HPSE2: variants seen among roughly 807,000 people sequenced by gnomAD.
The protein encoded by HPSE2 is inactive heparanase-2.
HPSE2 carries 38 observed loss-of-function variants against 60.5 expected under a neutral mutation model. That is an observed-to-expected ratio of 0.63 (90% confidence interval 0.48 to 0.82). The LOEUF is 0.82. HPSE2 is among the 40% of genes least tolerant of loss of function. The pLI, the probability that HPSE2 is intolerant of heterozygous loss-of-function variation, is 0.00. For synonymous variants in HPSE2, 295 were observed against 293.2 expected (o/e 1.01, Z -0.06); for missense variants, 713 against 740.4 (o/e 0.96, Z 0.43).
At chr10:99,026,069 A>C (rs1453557541) in intron 3 of HPSE2, among the ~76,000 whole-genome samples, 1 of 152,112 alleles carries the variant, frequency 6.6e-6, no homozygotes, top group Non-Finnish European at 1.5e-5. Context: ...GGAAGAGAAC[A>C]CCACAAAACA....
rs1955459940 is a variant in HPSE2 at position 98,954,756 on chromosome 10, A to G, written c.610+189482T>C. On this transcript the variant is annotated intron_variant, in intron 3 of 11. Transcript: ENST00000370552. Reference sequence around the variant, plus strand: ...TTGATTTGAGGCAACAGTCATAAACATAAGGTCAGTACAATATAAACTCCG... The same window carrying G: ...TTGATTTGAGGCAACAGTCATAAACGTAAGGTCAGTACAATATAAACTCCG... Among the ~76,000 whole-genome samples the G allele has an allele frequency of 2.6e-5, 4 of 152,072 alleles. No homozygotes were observed. The South Asian group carries it at 6.2e-4, about 24-fold the overall frequency.
At chr10:99,305,570 T>C in the HPSE2 span, among the ~76,000 whole-genome samples, 28 of 152,282 alleles carry the variant, frequency 1.8e-4, no homozygotes, top group African/African-American at 5.5e-4. Context: ...GATGGGTAAA[T>C]CACCTCTGGT....
chr10:98,715,253 C>T (rs1404679510), intron 5 of HPSE2, among the ~76,000 whole-genome samples: 2 of 151,962 alleles, frequency 1.3e-5, no homozygotes, highest in Non-Finnish European at 2.9e-5. Context: ...TCTAAGAAAT[C>T]ACTCCTTAAA....
intron 3 of HPSE2, among the ~76,000 whole-genome samples, chr10:99,137,932 A>T (rs1845722222): frequency 6.6e-6 from 1 of 152,230 alleles, no homozygotes; most frequent in Admixed American, 6.5e-5. Context: ...AGCAAAAGAA[A>T]CTATTATCAA....
chr10:98,638,549 C>T (rs1320103865), intron 7 of HPSE2, among the ~76,000 whole-genome samples: 1 of 152,178 alleles, frequency 6.6e-6, no homozygotes, highest in Admixed American at 6.5e-5. Context: ...CTAGTTTGCA[C>T]TTTGGACCCT....
At chr10:99,096,486 A>G (rs1843721806) in intron 3 of HPSE2, among the ~76,000 whole-genome samples, 1 of 152,222 alleles carries the variant, frequency 6.6e-6, no homozygotes, top group Non-Finnish European at 1.5e-5. Flanking sequence ...TCCCAAAGTT[A>G]AAAATAAGAA....
intron 9 of HPSE2, among the ~76,000 whole-genome samples, chr10:98,492,423 AC>A (rs1439365997): frequency 1.3e-5 from 2 of 150,542 alleles, no homozygotes; most frequent in Non-Finnish European, 3.0e-5. Context: ...AATGGCGTGA[AC>A]CCAGGAGGCG....
rs1414105004 is a variant in HPSE2, at chr10:98,939,946, C to T, written c.611-195890G>A. On this transcript the variant is annotated intron_variant, in intron 3 of 11. Coordinates refer to ENST00000370552, the MANE Select transcript of HPSE2 (RefSeq NM_021828.5). Reference sequence around the variant, plus strand: ...AAGAAACTCACTCAAAACCGCTCAACTACATGGAAACTGAACAACCTGCTC... The same window carrying T: ...AAGAAACTCACTCAAAACCGCTCAATTACATGGAAACTGAACAACCTGCTC... Among the ~76,000 whole-genome samples, 4 of 143,776 alleles carry T rather than the reference C, an allele frequency of 2.8e-5. 2 individuals carry two copies. Among genetic ancestry groups the T allele is most frequent in the African/African-American group, 1.1e-4 (4 of 35,300 alleles). The allele number at this position is 143,776 out of a possible 152,430, so 94.3% of individuals were successfully genotyped here.
intron 3 of HPSE2, among the ~76,000 whole-genome samples, chr10:99,127,170 A>G (rs1845194770): frequency 6.6e-6 from 1 of 152,210 alleles, no homozygotes; most frequent in Non-Finnish European, 1.5e-5. Flanking sequence ...CTGATAAGCA[A>G]TTCAGGGGAT....
chr10:98,722,832 T>C (rs1948963018), intron 4 of HPSE2, among the ~76,000 whole-genome samples: 1 of 152,062 alleles, frequency 6.6e-6, no homozygotes, highest in Non-Finnish European at 1.5e-5. Context: ...AATAAACCTG[T>C]AGACTTGCAA....
intron 4 of HPSE2, among the ~76,000 whole-genome samples, chr10:98,738,210 T>C (rs1025111730): frequency 6.6e-6 from 1 of 152,124 alleles, no homozygotes; most frequent in African/African-American, 2.4e-5. Context: ...TTGATAAACC[T>C]GACAAAAACA....
At position 98,600,855 on chromosome 10, in the gene HPSE2, T is replaced by A. The variant is rs541797199; in HGVS notation, c.1320+14049A>T. Among the ~76,000 whole-genome samples the A allele has an allele frequency of 3.9e-3, 550 of 141,924 alleles. 3 individuals are homozygous for A. Among genetic ancestry groups the A allele is most frequent in the Non-Finnish European group, 5.2e-3 (343 of 65,610 alleles). The allele number at this position is 141,924 out of a possible 152,430, so 93.1% of individuals were successfully genotyped here. On this transcript the variant is annotated intron_variant, in intron 9 of 11. Coordinates refer to ENST00000370552, the MANE Select transcript of HPSE2 (RefSeq NM_021828.5). ...ACAAAGATATATATACACACACATA[T>A]TATATATATACGTATATATGTATAT...
At chr10:98,886,815 C>T (rs759343419) in intron 3 of HPSE2, among the ~76,000 whole-genome samples, 1 of 152,044 alleles carries the variant, frequency 6.6e-6, no homozygotes, top group Non-Finnish European at 1.5e-5. Flanking sequence ...AGGAGAGCTT[C>T]CTCAATTCAA....
chr10:98,854,087 A>T (rs1952248129), intron 3 of HPSE2, among the ~76,000 whole-genome samples: 1 of 152,168 alleles, frequency 6.6e-6, no homozygotes, highest in African/African-American at 2.4e-5. Flanking sequence ...TTACTCTGGG[A>T]AAAGAAGATC....
At chr10:99,162,069 G>A (rs1209493473) in intron 2 of HPSE2, among the ~76,000 whole-genome samples, 1 of 152,168 alleles carries the variant, frequency 6.6e-6, no homozygotes, top group Admixed American at 6.5e-5. Flanking sequence ...ACAGAGTTTA[G>A]TTTTGCAATA....
At chr10:98,550,628 T>A (rs905425702) in intron 9 of HPSE2, among the ~76,000 whole-genome samples, 1 of 152,076 alleles carries the variant, frequency 6.6e-6, no homozygotes, top group Admixed American at 6.6e-5. Flanking sequence ...CCACCACGCC[T>A]GGCTAATTTT....
At chr10:98,543,170 T>C (rs894087713) in intron 9 of HPSE2, among the ~76,000 whole-genome samples, 6 of 152,152 alleles carry the variant, frequency 3.9e-5, no homozygotes, top group Non-Finnish European at 8.8e-5. Flanking sequence ...TGGGGGCCAA[T>C]ATTCAACATT....
At chr10:98,864,827 T>A (rs1041742593) in intron 3 of HPSE2, among the ~76,000 whole-genome samples, 4 of 152,190 alleles carry the variant, frequency 2.6e-5, no homozygotes, top group African/African-American at 9.6e-5. Context: ...GTATTATTGA[T>A]CAAACATATA....
intron 3 of HPSE2, among the ~76,000 whole-genome samples, chr10:98,766,761 C>T (rs1324749494): frequency 6.6e-6 from 1 of 151,994 alleles, no homozygotes; most frequent in Non-Finnish European, 1.5e-5. Context: ...CCAATCTCTA[C>T]TAAAAATACA....
Sources: allele counts gnomAD v4.1 joint callset (sites outside exome capture counted in the v4.1 genomes callset), GRCh38; gene constraint gnomAD v4.1.1; transcripts MANE v1.5; gene names NCBI Gene and HGNC (gene_info 2026-07-23, HGNC 2026-07-21).